Variants in MICAL3 observed in about 807,000 individuals in gnomAD.
MICAL3 encodes microtubule associated monooxygenase, calponin and LIM domain containing 3, also known as [F-actin]-monooxygenase MICAL3.
A neutral mutation model predicts 207.4 loss-of-function variants in MICAL3; 62 were observed. The ratio of observed to expected loss-of-function variants is 0.30; its 90% CI spans 0.24 to 0.37. The LOEUF (loss-of-function observed/expected upper bound fraction) is 0.37. MICAL3 is among the 10% of genes least tolerant of loss of function. MICAL3 has a pLI of 1.00. For synonymous variants in MICAL3, 1,077 were observed against 1,069.3 expected (o/e 1.01, Z -0.14); for missense variants, 2,368 against 2,635.6 (o/e 0.90, Z 2.22).
At chr22:17,820,834 TAA>T (rs888395602) in intron 25 of MICAL3, among the ~76,000 whole-genome samples, 25 of 147,470 alleles carry the variant, frequency 1.7e-4, no homozygotes, top group East Asian at 9.8e-4. Flanking sequence ...TAATATATTA[TAA>T]ATTTATAAAA....
chr22:17,891,972 C>T (rs1474874140), intron 11 of MICAL3, among the ~76,000 whole-genome samples: 1 of 152,222 alleles, frequency 6.6e-6, no homozygotes, highest in Non-Finnish European at 1.5e-5. Context: ...GCCTGGCTTA[C>T]AGCAGCTCTG....
intron 19 of MICAL3, chr22:17,858,607 T>C: frequency 3.8e-6 from 1 of 263,552 alleles, no homozygotes; most frequent in Non-Finnish European, 5.9e-6. Context: ...GTGGCCCATT[T>C]TCACAGCCGC....
At chr22:17,966,655 T>A (rs1029597789) in intron 1 of MICAL3, among the ~76,000 whole-genome samples, 1 of 152,208 alleles carries the variant, frequency 6.6e-6, no homozygotes, top group African/African-American at 2.4e-5. Context: ...TTAACTCCCC[T>A]GCCAATGGTG....
intron 29 of MICAL3, 59 bp from the exon 30 acceptor site, chr22:17,791,360 G>A (rs2061822765): frequency 7.1e-7 from 1 of 1,405,820 alleles, no homozygotes; most frequent in Non-Finnish European, 9.9e-7. Flanking sequence ...TGGCCCGCAG[G>A]AATCACACGG....
intron 1 of MICAL3, among the ~76,000 whole-genome samples, chr22:18,023,575 C>T (rs1924615762): frequency 6.6e-6 from 1 of 152,228 alleles, no homozygotes; most frequent in African/African-American, 2.4e-5. Context: ...GGAGTCATAA[C>T]CATTTGATTC....
At chr22:17,880,157 C>T (rs1270815538) in intron 16 of MICAL3, among the ~76,000 whole-genome samples, 1 of 152,200 alleles carries the variant, frequency 6.6e-6, no homozygotes, top group Non-Finnish European at 1.5e-5. Context: ...TCTCTGTGGG[C>T]AGAGGGAGGC....
At chr22:17,956,989 T>C (rs1355432569) in intron 1 of MICAL3, among the ~76,000 whole-genome samples, 2 of 152,214 alleles carry the variant, frequency 1.3e-5, no homozygotes, top group African/African-American at 2.4e-5. Flanking sequence ...CAGAAGTGTG[T>C]GGGTCTTCCT....
chr22:17,953,087 C>T (rs1037846471), intron 1 of MICAL3, among the ~76,000 whole-genome samples: 2 of 152,162 alleles, frequency 1.3e-5, no homozygotes, highest in African/African-American at 4.8e-5. Context: ...GTGTGCACAG[C>T]CACTCCAGCC....
At chr22:17,832,841 T>C (rs1451470700) in intron 20 of MICAL3, among the ~76,000 whole-genome samples, 1 of 152,086 alleles carries the variant, frequency 6.6e-6, no homozygotes, top group Non-Finnish European at 1.5e-5. Flanking sequence ...TGGCACTCCT[T>C]AGAACCCTAC....
intron 1 of MICAL3, chr22:18,006,616 C>T (rs1406783618): frequency 6.6e-6 from 1 of 152,170 alleles, no homozygotes; most frequent in Non-Finnish European, 1.5e-5. Context: ...GGCAGATCAC[C>T]TGAGGTCAGG....
chr22:17,898,676 G>T (rs932379242), intron 7 of MICAL3, among the ~76,000 whole-genome samples: 3 of 152,208 alleles, frequency 2.0e-5, no homozygotes, highest in Non-Finnish European at 4.4e-5. Context: ...TGGGGACAGT[G>T]ATTCTCACGT....
intron 19 of MICAL3, chr22:17,842,312 T>A: frequency 2.4e-6 from 1 of 411,042 alleles, no homozygotes; most frequent in Non-Finnish European, 4.5e-6. Context: ...CAAGAGTGAC[T>A]GGTGGTGAGG....
At position 17,875,682 on chromosome 22, in the gene MICAL3, T is replaced by TAAAAA. The variant is rs60415785; in HGVS notation, c.2242-3664_2242-3660dup. ...ACCTTTATCTAAATACCATGTATAG[T>TAAAAA]AAAAAAAAAAAAAAAAAAAAAGTAG... On this transcript the variant is annotated intron_variant, in intron 16 of 31. Coordinates refer to ENST00000441493, the MANE Select transcript of MICAL3 (RefSeq NM_015241.3). The TAAAAA allele has an allele frequency of 9.2e-3, 1,572 of 170,694 alleles. 37 individuals carry two copies. The highest frequency in any genetic ancestry group is 0.041 in the African/African-American group (1,367 of 33,142). 10.6% of individuals were successfully genotyped at this position (170,694 alleles called of 1,614,324 possible).
chr22:17,846,422 C>A lies in MICAL3; in HGVS notation c.2606-4405G>T, dbSNP rs149147018. Among the ~76,000 whole-genome samples, 363 of 152,044 alleles carry A rather than the reference C, an allele frequency of 2.4e-3. 1 individual carries two copies. Among genetic ancestry groups the A allele is most frequent in the African/African-American group, 8.2e-3 (339 of 41,374 alleles). On this transcript the variant is annotated intron_variant, in intron 19 of 31. Coordinates refer to ENST00000441493, the MANE Select transcript of MICAL3 (RefSeq NM_015241.3). Reference sequence around the variant, plus strand: ...AAAAAAAAAACCACACGCACAAACACATCGGAACAATCAGCATCCTTGATT... The same window carrying A: ...AAAAAAAAAACCACACGCACAAACAAATCGGAACAATCAGCATCCTTGATT...
Position 17,950,342 on chromosome 22 carries a change from T to TTG in MICAL3, c.-74-43457_-74-43456insCA, listed in dbSNP as rs773098538. ...ACATCTGGCGTTTTGTTTTTGTTTT[T>TTG]TTTTTTTTTTTTTTTTTTGAGACGA... On this transcript the variant is annotated intron_variant, in intron 1 of 31. Coordinates refer to ENST00000441493, the MANE Select transcript of MICAL3 (RefSeq NM_015241.3). Among the ~76,000 whole-genome samples, 727 of 110,628 alleles carry TTG rather than the reference T, an allele frequency of 6.6e-3. 4 individuals carry two copies. Among genetic ancestry groups the TTG allele is most frequent in the South Asian group, 9.6e-3 (35 of 3,664 alleles). The allele number at this position is 110,628 out of a possible 152,430, so 72.6% of individuals were successfully genotyped here.
chr22:17,877,191 G>A (rs1928707952), intron 16 of MICAL3, among the ~76,000 whole-genome samples: 1 of 111,924 alleles, frequency 8.9e-6, no homozygotes, highest in African/African-American at 4.5e-5. Context: ...GGAAGTTATG[G>A]AGGTTAGGGA....
At chr22:17,851,455 ATTC>A (rs1413646351) in intron 19 of MICAL3, among the ~76,000 whole-genome samples, 1 of 152,212 alleles carries the variant, frequency 6.6e-6, no homozygotes, top group Non-Finnish European at 1.5e-5. Flanking sequence ...GAGAGGGATT[ATTC>A]TCATCATCTT....
At chr22:17,884,369 C>G (rs1341987074) in intron 16 of MICAL3, 2 of 1,585,890 alleles carry the variant, frequency 1.3e-6, no homozygotes, top group East Asian at 2.4e-5. Context: ...CTGGGACACA[C>G]AGGCCAAGTG....
chr22:17,915,167 G>A (rs1290778685), intron 1 of MICAL3, among the ~76,000 whole-genome samples: 1 of 152,232 alleles, frequency 6.6e-6, no homozygotes, highest in African/African-American at 2.4e-5. Flanking sequence ...GCAGAAGTCA[G>A]TGCAGTTACT....
Sources: gnomAD v4.1 joint callset for allele counts (sites outside exome capture counted in the v4.1 genomes callset) on GRCh38, gnomAD v4.1.1 for gene constraint, MANE v1.5 for transcripts, NCBI Gene and HGNC (gene_info 2026-07-23, HGNC 2026-07-21) for gene names.